NEDD4L: variants seen among roughly 807,000 people sequenced by gnomAD.
NEDD4L encodes the protein E3 ubiquitin-protein ligase NEDD4-like.
In NEDD4L, 54 loss-of-function variants were observed where a neutral mutation model predicts 148.9. That is an observed-to-expected ratio of 0.36 (90% confidence interval 0.29 to 0.45). The LOEUF is 0.45. NEDD4L is among the 20% of genes least tolerant of loss of function. The pLI is 1.00. For missense variants in NEDD4L, 856 were observed against 1,233.8 expected (o/e 0.69, Z 4.59); for synonymous variants, 433 against 440.7 (o/e 0.98, Z 0.22).
At chr18:58,375,121 C>T (rs1007919525) in intron 24 of NEDD4L, among the ~76,000 whole-genome samples, 10 of 152,218 alleles carry the variant, frequency 6.6e-5, no homozygotes, top group South Asian at 2.1e-4. Context: ...CTCCCTCTCT[C>T]CTCATGCCAT....
chr18:58,057,763 C>T lies in NEDD4L; in HGVS notation c.48+13055C>T, dbSNP rs145791433. On this transcript the variant is annotated intron_variant, in intron 1 of 30. Transcript: ENST00000400345. ...GATGAGGTCTGTGGTTCTGGGAATT[C>T]CTGGGTCTTAACAGTAAGTCCCACA... is the stretch of plus-strand genomic sequence containing the variant. 2.1e-3 allele frequency among the ~76,000 whole-genome samples: 314 copies of T among 152,254 alleles called. 3 individuals are homozygous for T. Among genetic ancestry groups the T allele is most frequent in the African/African-American group, 7.2e-3 (298 of 41,536 alleles).
At chr18:58,120,915 C>G (rs1323221478) in intron 1 of NEDD4L, among the ~76,000 whole-genome samples, 1 of 150,860 alleles carries the variant, frequency 6.6e-6, no homozygotes, top group Non-Finnish European at 1.5e-5. Context: ...CCATATTCTG[C>G]TTGGACTGTT....
intron 2 of NEDD4L, among the ~76,000 whole-genome samples, chr18:58,183,578 T>G (rs971766759): frequency 5.3e-5 from 8 of 152,118 alleles, no homozygotes; most frequent in Non-Finnish European, 1.2e-4. Context: ...CCCCCCTCCT[T>G]GGAGATAGCT....
Position 58,357,338 on chromosome 18 carries a change from G to GCTATTTTGCTATTGGA in NEDD4L, c.1767+86_1767+87insCTATTTTGCTATTGGA, listed in dbSNP as rs1267282941. 7.0e-6 allele frequency: 8 copies of GCTATTTTGCTATTGGA among 1,149,524 alleles called. No homozygotes were observed. In the African/African-American group the frequency reaches 1.2e-4, roughly 17 times the overall value. 71.2% of individuals were successfully genotyped at this position (1,149,524 alleles called of 1,614,324 possible). On this transcript the variant is annotated intron_variant, in intron 19 of 30. Transcript: ENST00000400345. Reference sequence around the variant, plus strand: ...CTTGTGTATTACTGATAACGGTGATGTCAAGGGACAACGGTGATTGAGTAG... The same window carrying GCTATTTTGCTATTGGA: ...CTTGTGTATTACTGATAACGGTGATGCTATTTTGCTATTGGATCAAGGGACAACGGTGATTGAGTAG...
chr18:58,253,485 T>TCACAAAATGCA, intron 5 of NEDD4L, among the ~76,000 whole-genome samples: 1 of 152,342 alleles, frequency 6.6e-6, no homozygotes, highest in Non-Finnish European at 1.5e-5. Context: ...TCAAAGTACT[T>TCACAAAATGCA]TCTTGTGAAA....
chr18:58,160,463 T>A (rs2036062436), intron 1 of NEDD4L, among the ~76,000 whole-genome samples: 1 of 152,250 alleles, frequency 6.6e-6, no homozygotes, highest in African/African-American at 2.4e-5. Context: ...CAGGAAGAGA[T>A]GCTGAAACTT....
intron 1 of NEDD4L, among the ~76,000 whole-genome samples, chr18:58,164,015 T>C (rs140652354): frequency 3.3e-5 from 5 of 152,060 alleles, no homozygotes; most frequent in Non-Finnish European, 7.4e-5. Context: ...CATTGTGTTC[T>C]TGGGGACTCC....
intron 1 of NEDD4L, among the ~76,000 whole-genome samples, chr18:58,104,456 C>T (rs1000866183): frequency 3.3e-5 from 5 of 152,108 alleles, no homozygotes; most frequent in Admixed American, 1.3e-4. Flanking sequence ...GTACTAAATG[C>T]GCTTAATTGT....
intron 2 of NEDD4L, among the ~76,000 whole-genome samples, chr18:58,213,158 A>T (rs370810909): frequency 0.44 from 67,289 of 151,884 alleles, 16,323 homozygotes; most frequent in African/African-American, 0.66. Context: ...CAGTTGGGAA[A>T]TTGAAAAGCA....
At chr18:58,365,897 T>C in intron 20 of NEDD4L, 102 bp from the exon 21 acceptor site, 1 of 764,170 alleles carries the variant, frequency 1.3e-6, no homozygotes. Flanking sequence ...TGCCTGTTTC[T>C]TTGAGGACTG....
At position 58,256,080 on chromosome 18, in the gene NEDD4L, C is replaced by T; in HGVS notation, c.297+4026C>T. ...CAGAGTGGCTCCCGGGAGCCCTCGC[C>T]GAGGGACACCCCCGGGAGCTCCCCT... On this transcript the variant is annotated intron_variant, in intron 5 of 30. Coordinates refer to ENST00000400345, the MANE Select transcript of NEDD4L (RefSeq NM_001144967.3). This position sits in a 1 kb window ranked among gnomAD's most constrained non-coding sequence, Gnocchi z 5.2. 1 of 1,228,190 alleles carries T rather than the reference C, an allele frequency of 8.1e-7. No homozygotes were observed. Among genetic ancestry groups the T allele is most frequent in the East Asian group, 3.2e-5 (1 of 31,320 alleles). The allele number at this position is 1,228,190 out of a possible 1,614,324, so 76.1% of individuals were successfully genotyped here.
At chr18:58,142,036 C>CTTTTTTTT (rs1462744620) in intron 1 of NEDD4L, among the ~76,000 whole-genome samples, 1 of 44,814 alleles carries the variant, frequency 2.2e-5, no homozygotes, top group Admixed American at 2.7e-4. Context: ...TCCAAAATTT[C>CTTTTTTTT]TTTCTTTTTT....
rs1164859396 is a variant in NEDD4L, at chr18:58,304,284, C to T, written c.298-11698C>T. On this transcript the variant is annotated intron_variant, in intron 5 of 30. Coordinates refer to ENST00000400345, the MANE Select transcript of NEDD4L (RefSeq NM_001144967.3). The stretch of plus-strand genomic sequence containing the variant: ...CTGTAATCTCAGCACTTTGGGAAGC[C>T]GAGGTGGGAGGATCACTTAAGCCCA... Among the ~76,000 whole-genome samples, 14 of 147,450 alleles carry T rather than the reference C, an allele frequency of 9.5e-5. No homozygotes were observed. The East Asian group carries it at 2.4e-3, about 25-fold the overall frequency.
chr18:58,220,636 G>C (rs778476961), intron 2 of NEDD4L, among the ~76,000 whole-genome samples: 1 of 152,194 alleles, frequency 6.6e-6, no homozygotes, highest in Non-Finnish European at 1.5e-5. Context: ...AACACTTCGC[G>C]AGTGAGCATG....
chr18:58,349,730 G>A, intron 17 of NEDD4L, 116 bp downstream of exon 17: 1 of 787,872 alleles, frequency 1.3e-6, no homozygotes, highest in Non-Finnish European at 2.1e-6. Flanking sequence ...GGATCTCATT[G>A]GTTTGTGTTT....
At chr18:58,201,649 C>A (rs1041127202) in intron 2 of NEDD4L, among the ~76,000 whole-genome samples, 1 of 152,148 alleles carries the variant, frequency 6.6e-6, no homozygotes, top group Non-Finnish European at 1.5e-5. Flanking sequence ...GTTCTTATTA[C>A]GTTCGTGTAT....
In NEDD4L at chr18:58,323,352, G is replaced by T; in HGVS notation, c.513+18G>T. 1 of 1,291,586 alleles carries T rather than the reference G, an allele frequency of 7.7e-7. No individual in the cohort carries two copies. Among genetic ancestry groups the T allele is most frequent in the Non-Finnish European group, 1.1e-6 (1 of 899,534 alleles). The allele number at this position is 1,291,586 out of a possible 1,614,324, so 80.0% of individuals were successfully genotyped here. The stretch of plus-strand genomic sequence containing the variant: ...ACATGGAGGTACGTGGAGGGCGTCA[G>T]GCCTCTCTCCTTGCCTTGAGATCAT... On this transcript the variant is annotated intron_variant, in intron 8 of 30. Transcript: ENST00000400345.
intron 2 of NEDD4L, among the ~76,000 whole-genome samples, chr18:58,215,192 ACATTTACAATGTT>A (rs2043045245): frequency 6.6e-6 from 1 of 152,208 alleles, no homozygotes; most frequent in African/African-American, 2.4e-5. Context: ...AAGGACAAGA[ACATTTACAATGTT>A]CATAGACGTT....
At chr18:58,195,801 C>T in intron 2 of NEDD4L, 1 of 1,015,778 alleles carries the variant, frequency 9.8e-7, no homozygotes, top group South Asian at 1.3e-5. Context: ...GGAGAAGGTT[C>T]TCTTACCGTG....
Sources: gnomAD v4.1 joint callset for allele counts (sites outside exome capture counted in the v4.1 genomes callset) on GRCh38, gnomAD v4.1.1 for gene constraint, Gnocchi (gnomAD v3.1) non-coding constraint, MANE v1.5 for transcripts, NCBI Gene and HGNC (gene_info 2026-07-23, HGNC 2026-07-21) for gene names.